The following CSRP2 variants were observed in gnomAD, a reference collection of about 807,000 sequenced individuals.
The protein encoded by CSRP2 is cysteine and glycine-rich protein 2.
A neutral mutation model predicts 24.6 loss-of-function variants in CSRP2; 18 were observed. The ratio of observed to expected loss-of-function variants is 0.73; its 90% CI spans 0.51 to 1.09. CSRP2 has a LOEUF of 1.09. Among genes scored for constraint, CSRP2 ranks in the 50% least tolerant of loss-of-function variants. The probability of loss-of-function intolerance (pLI) is 0.00; values close to 1 mark genes in which losing one functional copy is unlikely to be tolerated. For missense variants in CSRP2, 215 were observed against 239.4 expected (o/e 0.90, Z 0.67); for synonymous variants, 87 against 84.3 (o/e 1.03, Z -0.18).
At chr12:76,868,948 A>G (rs931005212) in intron 1 of CSRP2, among the ~76,000 whole-genome samples, 11 of 151,998 alleles carry the variant, frequency 7.2e-5, no homozygotes, top group African/African-American at 1.2e-4. Context: ...AAAAAAAAAA[A>G]AAAAAAAGAA....
At chr12:76,876,156 A>C (rs987013644) in intron 1 of CSRP2, among the ~76,000 whole-genome samples, 2 of 152,192 alleles carry the variant, frequency 1.3e-5, no homozygotes, top group African/African-American at 4.8e-5. Context: ...ACCACCATGA[A>C]GCCCTCTTTC....
chr12:76,874,022 C>T (rs569800042), intron 1 of CSRP2, among the ~76,000 whole-genome samples: 2 of 152,234 alleles, frequency 1.3e-5, no homozygotes, highest in African/African-American at 2.4e-5. Flanking sequence ...AGGAAAGGCC[C>T]GTTTTGCACA....
rs963160194 is a variant in CSRP2 at position 76,862,827 on chromosome 12, CCT to C, written c.281+347_281+348del. ...CTGCTTACATTGCACATGAGAAACA[CCT>C]CTCATGATTCACACAGCACATTTCT... On this transcript the variant is annotated intron_variant, in intron 3 of 5. Coordinates refer to ENST00000311083, the MANE Select transcript of CSRP2 (RefSeq NM_001321.3). 3.3e-6 allele frequency: 5 copies of C among 1,509,208 alleles called. No individual in the cohort carries two copies. The African/African-American group carries it at 5.6e-5, about 17-fold the overall frequency. 93.5% of individuals were successfully genotyped at this position (1,509,208 alleles called of 1,614,324 possible).
chr12:76,862,358 T>C (rs960171359), intron 3 of CSRP2: 5 of 152,640 alleles, frequency 3.3e-5, no homozygotes, highest in Non-Finnish European at 7.3e-5. Context: ...CTGGCCAATA[T>C]GGTGAGACCC....
chr12:76,871,137 G>A (rs1565827459), intron 1 of CSRP2, among the ~76,000 whole-genome samples: 1 of 152,054 alleles, frequency 6.6e-6, no homozygotes, highest in Non-Finnish European at 1.5e-5. Context: ...TATAATAGCT[G>A]CGCAACCTTG....
intron 2 of CSRP2, chr12:76,865,859 A>T: frequency 2.6e-6 from 1 of 383,912 alleles, no homozygotes; most frequent in Non-Finnish European, 4.7e-6. Context: ...CAGACCACAT[A>T]AGTGACACCC....
chr12:76,867,383 G>A (rs1202597392), intron 1 of CSRP2, among the ~76,000 whole-genome samples: 7 of 150,412 alleles, frequency 4.7e-5, no homozygotes, highest in Admixed American at 4.0e-4. Context: ...GGTGGCAGAT[G>A]CCTGCAATCC....
At chr12:76,859,454 TTC>T (rs2137820211) in intron 5 of CSRP2, 91 bp downstream of exon 5, 3 of 805,602 alleles carry the variant, frequency 3.7e-6, no homozygotes, top group East Asian at 2.7e-5. Flanking sequence ...TGGCATACTT[TTC>T]TTTTTTTTTT....
At chr12:76,871,206 T>C (rs1422100481) in intron 1 of CSRP2, among the ~76,000 whole-genome samples, 1 of 152,064 alleles carries the variant, frequency 6.6e-6, no homozygotes, top group African/African-American at 2.4e-5. Flanking sequence ...CACAGAAATA[T>C]TGTGAAGGCA....
rs1466716493 is a variant in CSRP2, at chr12:76,869,582, CT to C, written c.-1-3322del. Among the ~76,000 whole-genome samples, 27 of 110,246 alleles carry C rather than the reference CT, an allele frequency of 2.4e-4. No homozygotes were observed. In the South Asian group the frequency reaches 3.9e-3, roughly 16 times the overall value. The allele number at this position is 110,246 out of a possible 152,430, so 72.3% of individuals were successfully genotyped here. On this transcript the variant is annotated intron_variant, in intron 1 of 5. Transcript: ENST00000311083. ...CACACACACACACACACACACACCC[CT>C]GACTGGTATGGCTTGTTATCACTAA...
rs997236084 is a variant in CSRP2, at chr12:76,863,221, G to A, written c.236C>T (p.Thr79Met). 9 of 1,614,030 alleles carry A rather than the reference G, an allele frequency of 5.6e-6. No individual in the cohort carries two copies. The highest frequency in any genetic ancestry group is 1.3e-5 in the African/African-American group (1 of 74,926). The change falls in exon 3 of 6, where the codon ACG becomes ATG. Residue 79 changes from threonine (T) to methionine (M), a missense_variant. By Grantham distance (81) the Thr-to-Met change is moderately conservative. Coordinates refer to ENST00000311083, the MANE Select transcript of CSRP2 (RefSeq NM_001321.3). ...KGYGYGQGAG[T>M]LNMDRGERLG... ...CCTCTCGCCACGGTCCATGTTAAGC[G>A]TGCCAGCGCCCTGGCCATAACCGTA... is the stretch of plus-strand genomic sequence containing the variant.
chr12:76,874,167 A>G (rs900550948), intron 1 of CSRP2, among the ~76,000 whole-genome samples: 3 of 152,260 alleles, frequency 2.0e-5, no homozygotes, highest in Non-Finnish European at 4.4e-5. Context: ...TTCATCTTGC[A>G]GATCCACTGA....
Position 76,869,581 on chromosome 12 carries a change from CCT to C in CSRP2, c.-1-3322_-1-3321del, listed in dbSNP as rs768491573. On this transcript the variant is annotated intron_variant, in intron 1 of 5. Transcript: ENST00000311083. The stretch of plus-strand genomic sequence containing the variant: ...ACACACACACACACACACACACACC[CCT>C]GACTGGTATGGCTTGTTATCACTAA... Among the ~76,000 whole-genome samples the C allele has an allele frequency of 1.4e-3, 206 of 149,258 alleles. 1 individual carries two copies. The highest frequency in any genetic ancestry group is 6.9e-3 in the Middle Eastern group (2 of 290).
chr12:76,877,011 A>G (rs367937142), intron 1 of CSRP2, among the ~76,000 whole-genome samples: 7 of 152,346 alleles, frequency 4.6e-5, no homozygotes, highest in Admixed American at 1.3e-4. Context: ...CATCAAACCA[A>G]TGGGTACTGG....
chr12:76,860,356 A>G lies in CSRP2; in HGVS notation c.339T>C (p.Tyr113=), dbSNP rs950891288. Residue 113 remains tyrosine, a synonymous_variant, in exon 4 of 6, where the codon TAT becomes TAC. Coordinates refer to ENST00000311083, the MANE Select transcript of CSRP2 (RefSeq NM_001321.3). The part of the protein sequence containing the change: ...NPNTSKFAQK[Y]GGAEKCSRCG... Reference sequence around the variant, plus strand: ...ATCTGGAACACTTCTCAGCACCTCCATATTTCTGAGCAAATTTAGAAGTGT... The same window carrying G: ...ATCTGGAACACTTCTCAGCACCTCCGTATTTCTGAGCAAATTTAGAAGTGT... The G allele has an allele frequency of 1.2e-6, 2 of 1,614,106 alleles. No homozygotes were observed. Among genetic ancestry groups the G allele is most frequent in the Non-Finnish European group, 1.7e-6 (2 of 1,179,998 alleles).
chr12:76,859,082 G>A, intron 5 of CSRP2, 54 bp from the exon 6 acceptor site: 1 of 1,490,318 alleles, frequency 6.7e-7, no homozygotes, highest in Non-Finnish European at 9.4e-7. Context: ...AGCTTTGCTA[G>A]CACTGCTTAA....
At chr12:76,862,972 A>G (rs1387982433) in intron 3 of CSRP2, 5 of 1,468,362 alleles carry the variant, frequency 3.4e-6, no homozygotes, top group Non-Finnish European at 4.5e-6. Context: ...ATAAAGCCAG[A>G]AGTAGAAATC....
rs565708979 is a variant in CSRP2, at chr12:76,870,570, A to G, written c.-1-4309T>C. ...CCACACCATCTATCAGAGTATTTGC[A>G]TATATCAAAATATTGCAGTTCTATC... On this transcript the variant is annotated intron_variant, in intron 1 of 5. Transcript: ENST00000311083. Among the ~76,000 whole-genome samples, 3 of 152,306 alleles carry G rather than the reference A, an allele frequency of 2.0e-5. No homozygotes were observed. In the East Asian group the frequency reaches 5.8e-4, roughly 29 times the overall value.
intron 1 of CSRP2, among the ~76,000 whole-genome samples, chr12:76,866,931 C>T (rs576120413): frequency 7.9e-5 from 12 of 152,278 alleles, no homozygotes; most frequent in Admixed American, 7.2e-4. Context: ...AGTTTCTATG[C>T]TTCACTAACC....
Sources: allele counts gnomAD v4.1 joint callset (sites outside exome capture counted in the v4.1 genomes callset), GRCh38; gene constraint gnomAD v4.1.1; transcripts MANE v1.5; gene names NCBI Gene and HGNC (gene_info 2026-07-23, HGNC 2026-07-21).